The following THSD4 variants were observed in gnomAD, a reference collection of about 807,000 sequenced individuals.
THSD4 encodes thrombospondin type-1 domain-containing protein 4.
THSD4 carries 69 observed loss-of-function variants against 119.0 expected under a neutral mutation model. That is an observed-to-expected ratio of 0.58 (90% CI 0.48 to 0.71). The LOEUF (loss-of-function observed/expected upper bound fraction) is 0.71, where lower values mean the gene tolerates loss of function less well. Among genes scored for constraint, THSD4 ranks in the 30% least tolerant of loss-of-function variants. The pLI is 0.00. For synonymous variants in THSD4, 524 were observed against 540.4 expected (o/e 0.97, Z 0.42); for missense variants, 1,393 against 1,391.1 (o/e 1.00, Z -0.02).
chr15:71,653,143 C>T (rs925311804), intron 7 of THSD4, among the ~76,000 whole-genome samples: 52 of 152,308 alleles, frequency 3.4e-4, no homozygotes, highest in African/African-American at 8.7e-4. Context: ...TACCAAGTCG[C>T]AGGTACTGTG....
chr15:71,182,080 A>G (rs1289402679), intron 3 of THSD4, among the ~76,000 whole-genome samples: 1 of 147,236 alleles, frequency 6.8e-6, no homozygotes, highest in Non-Finnish European at 1.5e-5. Flanking sequence ...AATGATATAC[A>G]TTGACTTTTG....
At chr15:71,367,901 CA>C (rs1351885716) in intron 6 of THSD4, among the ~76,000 whole-genome samples, 1 of 152,224 alleles carries the variant, frequency 6.6e-6, no homozygotes, top group Non-Finnish European at 1.5e-5. Flanking sequence ...GTCCCACCAA[CA>C]GTGTAAAAGT....
At chr15:71,314,107 G>A (rs1228279253) in intron 6 of THSD4, among the ~76,000 whole-genome samples, 1 of 152,114 alleles carries the variant, frequency 6.6e-6, no homozygotes, top group Non-Finnish European at 1.5e-5. Flanking sequence ...GTTTCTCAGT[G>A]AGTTGGAAAA....
At chr15:71,362,796 GGAGAT>G (rs2045909709) in intron 6 of THSD4, among the ~76,000 whole-genome samples, 1 of 151,958 alleles carries the variant, frequency 6.6e-6, no homozygotes, top group Non-Finnish European at 1.5e-5. Flanking sequence ...CCACACATAT[GGAGAT>G]CCACTTTATT....
At chr15:71,315,809 A>G (rs910261602) in intron 6 of THSD4, among the ~76,000 whole-genome samples, 1 of 152,168 alleles carries the variant, frequency 6.6e-6, no homozygotes, top group African/African-American at 2.4e-5. Flanking sequence ...GGAGGTGGAG[A>G]GATTTGGGGA....
chr15:71,635,145 C>A (rs1480024488), intron 7 of THSD4, among the ~76,000 whole-genome samples: 2 of 152,220 alleles, frequency 1.3e-5, no homozygotes. Flanking sequence ...GCTCTCACAG[C>A]TGTCACTTCT....
At chr15:71,776,211 CATATT>C (rs2053909808) in intron 17 of THSD4, among the ~76,000 whole-genome samples, 1 of 152,150 alleles carries the variant, frequency 6.6e-6, no homozygotes, top group Admixed American at 6.5e-5. Flanking sequence ...CAAAGGAAAA[CATATT>C]ATAATATCAA....
At chr15:71,159,092 A>G (rs1164881585) in intron 3 of THSD4, among the ~76,000 whole-genome samples, 31 of 152,050 alleles carry the variant, frequency 2.0e-4, no homozygotes, top group Admixed American at 2.0e-3. Context: ...CTTTTCCTCA[A>G]TATGTGTTCC....
At chr15:71,713,190 A>AT (rs2141096021) in intron 8 of THSD4, among the ~76,000 whole-genome samples, 1 of 152,304 alleles carries the variant, frequency 6.6e-6, no homozygotes, top group South Asian at 2.1e-4. Flanking sequence ...AGAACCCCAT[A>AT]TGCTCTGGTC....
chr15:71,748,125 G>A (rs2053374881), intron 13 of THSD4, among the ~76,000 whole-genome samples: 1 of 152,148 alleles, frequency 6.6e-6, no homozygotes, highest in Non-Finnish European at 1.5e-5. Context: ...GTCATGGCCA[G>A]GAAATCCATT....
intron 6 of THSD4, among the ~76,000 whole-genome samples, chr15:71,332,576 A>G (rs938025922): frequency 6.6e-6 from 1 of 152,152 alleles, no homozygotes; most frequent in African/African-American, 2.4e-5. Context: ...AAGGTCACAA[A>G]GTTAGACTGC....
intron 16 of THSD4, among the ~76,000 whole-genome samples, chr15:71,770,181 G>C (rs1274718762): frequency 7.6e-6 from 1 of 131,482 alleles, no homozygotes; most frequent in African/African-American, 3.0e-5. Flanking sequence ...CCAGGAGGCA[G>C]AGGTTGTTGT....
intron 1 of THSD4, among the ~76,000 whole-genome samples, chr15:71,116,750 C>A (rs2585024): frequency 0.93 from 140,858 of 152,060 alleles, 66,246 homozygotes; most frequent in East Asian, 1. Flanking sequence ...CCCAGGACCC[C>A]TGACAGTCTG....
At chr15:71,731,423 G>T in intron 10 of THSD4, 1 of 563,478 alleles carries the variant, frequency 1.8e-6, no homozygotes, top group Non-Finnish European at 3.2e-6. Context: ...TCATTCACTC[G>T]ATTCCAAAAT....
chr15:71,172,337 T>C (rs1242770548), intron 3 of THSD4, among the ~76,000 whole-genome samples: 1 of 151,840 alleles, frequency 6.6e-6, no homozygotes, highest in Non-Finnish European at 1.5e-5. Flanking sequence ...AAAAAAATAA[T>C]TATAAATTCA....
intron 1 of THSD4, among the ~76,000 whole-genome samples, chr15:71,104,368 A>G (rs1256558733): frequency 6.6e-6 from 1 of 152,140 alleles, no homozygotes; most frequent in African/African-American, 2.4e-5. Flanking sequence ...CTTTTTCTCC[A>G]TCCCAAGAAG....
chr15:71,389,807 G>GTTTTTTTTTTTTTTTTTTTTTTTTT (rs1237701264), intron 6 of THSD4, among the ~76,000 whole-genome samples: 1 of 46,256 alleles, frequency 2.2e-5, no homozygotes, highest in Non-Finnish European at 5.1e-5. Context: ...TATTTTCTGG[G>GTTTTTTTTTTTTTTTTTTTTTTTTT]TTGTTTTTTT....
intron 7 of THSD4, among the ~76,000 whole-genome samples, chr15:71,526,365 G>A (rs2140800254): frequency 6.6e-6 from 1 of 152,250 alleles, no homozygotes; most frequent in East Asian, 1.9e-4. Flanking sequence ...ACTGGCACAG[G>A]CAGAATATTT....
intron 8 of THSD4, among the ~76,000 whole-genome samples, chr15:71,717,664 A>G (rs2052635744): frequency 6.6e-6 from 1 of 152,026 alleles, no homozygotes; most frequent in Admixed American, 6.6e-5. Flanking sequence ...AGACACTAAG[A>G]TTAGGGATGA....
Sources: gnomAD v4.1 joint callset for allele counts (sites outside exome capture counted in the v4.1 genomes callset) on GRCh38, gnomAD v4.1.1 for gene constraint, MANE v1.5 for transcripts, NCBI Gene and HGNC (gene_info 2026-07-23, HGNC 2026-07-21) for gene names.